Variants in MYOCD observed in about 807,000 individuals in gnomAD.
The protein encoded by MYOCD is myocardin.
A neutral mutation model predicts 96.1 loss-of-function variants in MYOCD; 32 were observed. The ratio of observed to expected loss-of-function variants is 0.33; its 90% CI spans 0.25 to 0.45. MYOCD has a LOEUF of 0.45. Among genes scored for constraint, MYOCD ranks in the 20% least tolerant of loss-of-function variants. The probability of loss-of-function intolerance (pLI) is 1.00; values close to 1 mark genes in which losing one functional copy is unlikely to be tolerated. For synonymous variants in MYOCD, 469 were observed against 469.0 expected (o/e 1.00, Z 0.00); for missense variants, 1,133 against 1,200.6 (o/e 0.94, Z 0.83).
chr17:12,713,924 T>C (rs1046439923), intron 2 of MYOCD, among the ~76,000 whole-genome samples: 1 of 152,142 alleles, frequency 6.6e-6, no homozygotes. Context: ...AGAAGCTCAT[T>C]TTAAGAGTAA....
intron 1 of MYOCD, among the ~76,000 whole-genome samples, chr17:12,681,626 C>A (rs917747435): frequency 6.6e-6 from 1 of 152,142 alleles, no homozygotes; most frequent in Non-Finnish European, 1.5e-5. Context: ...GGCCTGAATT[C>A]ATATCTCTTA....
Position 12,763,384 on chromosome 17 carries a change from G to A in MYOCD, c.2701G>A (p.Ala901Thr). Residue 901 changes from alanine to threonine, a missense_variant, in exon 14 of 14, where the codon GCA (alanine) becomes ACA (threonine). Ala to Thr is a moderately conservative substitution (Grantham distance 58). Coordinates refer to ENST00000425538, the MANE Select transcript of MYOCD (RefSeq NM_001146312.3). ...GAAGGCTGCAGAAGACCTCTTCAAT[G>A]CACATGAGATCTTGCCAGGCCCCCT... ...SGKAAEDLFNAHEILPGPLSP... is the reference protein window; with the variant it reads ...SGKAAEDLFNTHEILPGPLSP... The A allele has an allele frequency of 6.2e-7, 1 of 1,602,206 alleles. No individual in the cohort carries two copies. Among genetic ancestry groups the A allele is most frequent in the Non-Finnish European group, 8.5e-7 (1 of 1,173,462 alleles).
chr17:12,750,394 C>T (rs938019478), intron 9 of MYOCD, among the ~76,000 whole-genome samples: 1 of 151,996 alleles, frequency 6.6e-6, no homozygotes, highest in Non-Finnish European at 1.5e-5. Context: ...TTTACAAACA[C>T]GTTGTAATTT....
intron 13 of MYOCD, 164 bp downstream of exon 13, chr17:12,760,871 A>C (rs1252206164): frequency 1.6e-6 from 1 of 608,898 alleles, no homozygotes; most frequent in African/African-American, 1.8e-5. Context: ...TTTAGAGCTG[A>C]TAAAAGAAGG....
chr17:12,730,089 G>A (rs1380093587), intron 5 of MYOCD, among the ~76,000 whole-genome samples: 1 of 151,970 alleles, frequency 6.6e-6, no homozygotes, highest in Non-Finnish European at 1.5e-5. Flanking sequence ...TGAGGCTGCA[G>A]TAAGCTATGA....
chr17:12,758,728 A>G (rs2033084628), intron 12 of MYOCD, among the ~76,000 whole-genome samples: 1 of 152,178 alleles, frequency 6.6e-6, no homozygotes, highest in Admixed American at 6.6e-5. Flanking sequence ...TTGGATTTGG[A>G]AAGTCTCAAA....
intron 5 of MYOCD, 98 bp from the exon 6 acceptor site, chr17:12,736,063 G>A (rs1489265443): frequency 1.1e-6 from 1 of 912,410 alleles, no homozygotes; most frequent in African/African-American, 1.7e-5. Context: ...GAGAGAGAGA[G>A]GTGTATTTTT....
intron 5 of MYOCD, among the ~76,000 whole-genome samples, chr17:12,735,651 G>A (rs2032318432): frequency 6.6e-6 from 1 of 152,168 alleles, no homozygotes; most frequent in South Asian, 2.1e-4. Flanking sequence ...TTTAAACTTA[G>A]TAGCTGTCCT....
chr17:12,717,246 A>T (rs2031674633), intron 3 of MYOCD, 100 bp from the exon 4 acceptor site: 3 of 848,258 alleles, frequency 3.5e-6, no homozygotes, highest in Non-Finnish European at 3.7e-6. Flanking sequence ...GAATATTTTC[A>T]TGTTTCATTT....
chr17:12,692,791 G>A (rs1371854120), intron 1 of MYOCD, among the ~76,000 whole-genome samples: 2 of 152,152 alleles, frequency 1.3e-5, no homozygotes, highest in South Asian at 2.1e-4. Flanking sequence ...AGGCACAGGT[G>A]AGTGAACTCT....
rs199779368 is a variant in MYOCD, at chr17:12,722,875, T to C, written c.282T>C (p.Thr94=). 14 of 1,613,920 alleles carry C rather than the reference T, an allele frequency of 8.7e-6. No individual in the cohort carries two copies. In the Admixed American group the frequency reaches 2.2e-4, roughly 25 times the overall value. ...CCACTGCAGAGAGGTCCATTCCAACTGCTCAGATGAAGCTGAAAAGAGCCC... is the reference window on the plus strand; with the variant it reads ...CCACTGCAGAGAGGTCCATTCCAACCGCTCAGATGAAGCTGAAAAGAGCCC... The part of the protein sequence containing the change: ...QASTAERSIP[T]AQMKLKRARL... Residue 94 remains threonine (T), a synonymous_variant, in exon 5 of 14, where the codon ACT becomes ACC. Coordinates refer to ENST00000425538, the MANE Select transcript of MYOCD (RefSeq NM_001146312.3).
At chr17:12,692,074 A>G (rs2150657044) in intron 1 of MYOCD, among the ~76,000 whole-genome samples, 1 of 152,340 alleles carries the variant, frequency 6.6e-6, no homozygotes, top group South Asian at 2.1e-4. Flanking sequence ...TAGTGAATTA[A>G]TGACTCAGCT....
At chr17:12,733,451 A>T (rs571701517) in intron 5 of MYOCD, among the ~76,000 whole-genome samples, 43 of 152,318 alleles carry the variant, frequency 2.8e-4, no homozygotes, top group Admixed American at 2.0e-3. Flanking sequence ...TCCAGGAAAG[A>T]TGACTAATTC....
chr17:12,688,248 A>G (rs117875911), intron 1 of MYOCD, among the ~76,000 whole-genome samples: 1 of 152,176 alleles, frequency 6.6e-6, no homozygotes, highest in Non-Finnish European at 1.5e-5. Flanking sequence ...TGTCAGTACA[A>G]CCTGAACTGA....
intron 1 of MYOCD, among the ~76,000 whole-genome samples, chr17:12,674,697 A>C (rs1013519533): frequency 1.3e-4 from 20 of 152,224 alleles, no homozygotes; most frequent in African/African-American, 4.8e-4. Flanking sequence ...GTGGCTGTCC[A>C]CTGTTTATCT....
chr17:12,734,604 G>A (rs1045959515), intron 5 of MYOCD, among the ~76,000 whole-genome samples: 1 of 138,120 alleles, frequency 7.2e-6, no homozygotes, highest in Non-Finnish European at 1.5e-5. Context: ...ACTGCCTCCC[G>A]GGTTCAAGCA....
intron 1 of MYOCD, among the ~76,000 whole-genome samples, chr17:12,670,116 G>A (rs909735676): frequency 2.4e-4 from 36 of 152,114 alleles, no homozygotes; most frequent in African/African-American, 8.7e-4. Context: ...AAGCTCAGCA[G>A]GCAGGCCGGT....
At chr17:12,750,104 T>C (rs917192922) in intron 9 of MYOCD, among the ~76,000 whole-genome samples, 12 of 152,054 alleles carry the variant, frequency 7.9e-5, no homozygotes, top group African/African-American at 1.7e-4. Context: ...CCCAAAGTTC[T>C]GGGATTACAG....
At chr17:12,694,846 A>G (rs1249992408) in intron 1 of MYOCD, among the ~76,000 whole-genome samples, 1 of 150,586 alleles carries the variant, frequency 6.6e-6, no homozygotes, top group Non-Finnish European at 1.5e-5. Context: ...TAAACCTTCA[A>G]TAATGGCCAA....
Sources: allele counts gnomAD v4.1 joint callset (sites outside exome capture counted in the v4.1 genomes callset), GRCh38; gene constraint gnomAD v4.1.1; transcripts MANE v1.5; gene names NCBI Gene and HGNC (gene_info 2026-07-23, HGNC 2026-07-21).